The following IYD variants were observed in gnomAD, a reference collection of about 807,000 sequenced individuals.
The protein encoded by IYD is iodotyrosine deiodinase.
IYD carries 25 observed loss-of-function variants against 28.4 expected under a neutral mutation model. The ratio of observed to expected loss-of-function variants is 0.88; its 90% CI spans 0.64 to 1.23. IYD has a LOEUF of 1.23. IYD is among the 50% of genes most tolerant of loss of function. The pLI, the probability that IYD is intolerant of heterozygous loss-of-function variation, is 0.00. For synonymous variants in IYD, 140 were observed against 130.8 expected (o/e 1.07, Z -0.48); for missense variants, 352 against 357.9 (o/e 0.98, Z 0.13).
chr6:150,391,889 A>G (rs1157841333), intron 2 of IYD, among the ~76,000 whole-genome samples: 2 of 151,682 alleles, frequency 1.3e-5, no homozygotes, highest in Admixed American at 1.3e-4. Flanking sequence ...TTCTATTTTT[A>G]GTAGAGACAG....
chr6:150,405,046 A>G lies in IYD; in HGVS notation c.*6809A>G, dbSNP rs2115079995. 1 of 152,370 alleles carries G rather than the reference A, an allele frequency of 6.6e-6. No homozygotes were observed. The highest frequency in any genetic ancestry group is 1.5e-5 in the Non-Finnish European group (1 of 68,044). 9.4% of individuals were successfully genotyped at this position (152,370 alleles called of 1,614,324 possible). A position where few individuals can be genotyped will look rare whatever the true frequency, so the allele number is the denominator to read the frequency against. ...GTACATATTGAATGTGTGCAGAAAT[A>G]TATCTCAATCTAGTCATAAAATTTT... On this transcript the variant is annotated 3_prime_UTR_variant, in exon 5 of 5. Coordinates refer to ENST00000344419, the MANE Select transcript of IYD (RefSeq NM_203395.3).
At chr6:150,394,044 A>G in intron 3 of IYD, 55 bp from the exon 4 acceptor site, 1 of 1,555,756 alleles carries the variant, frequency 6.4e-7, no homozygotes, top group East Asian at 2.2e-5. Flanking sequence ...TAAGGTAGTA[A>G]AAGAGAACAA....
Position 150,388,639 on chromosome 6 carries a change from CT to C in IYD, c.179-710del, listed in dbSNP as rs200270036. 3.7e-3 allele frequency among the ~76,000 whole-genome samples: 182 copies of C among 48,772 alleles called. 1 individual carries two copies. The highest frequency in any genetic ancestry group is 8.8e-3 in the African/African-American group (173 of 19,660). 32.0% of individuals were successfully genotyped at this position (48,772 alleles called of 152,430 possible). ...ATAGTCTGGAGTTTTTGCTTTCTTT[CT>C]TTCTTTCTTTCTTTCTTTCTTTCTT... On this transcript the variant is annotated intron_variant, in intron 1 of 4. Transcript: ENST00000344419.
At position 150,404,958 on chromosome 6, in the gene IYD, A is replaced by T. The variant is rs1778606358; in HGVS notation, c.*6721A>T. 1 of 152,256 alleles carries T rather than the reference A, an allele frequency of 6.6e-6. No individual in the cohort carries two copies. 9.4% of individuals were successfully genotyped at this position (152,256 alleles called of 1,614,324 possible). On this transcript the variant is annotated 3_prime_UTR_variant, in exon 5 of 5. Coordinates refer to ENST00000344419, the MANE Select transcript of IYD (RefSeq NM_203395.3). ...TTCTTCATAACCACCGGATGCTGTT[A>T]TAGCTTCACCAATCACAACAAGCAC...
At chr6:150,378,039 C>T (rs892032278) in intron 1 of IYD, among the ~76,000 whole-genome samples, 1 of 152,142 alleles carries the variant, frequency 6.6e-6, no homozygotes, top group African/African-American at 2.4e-5. Context: ...GAGCTATAAG[C>T]CAAAAGTAGC....
chr6:150,393,281 C>A (rs1404594375), intron 3 of IYD, among the ~76,000 whole-genome samples: 1 of 152,162 alleles, frequency 6.6e-6, no homozygotes, highest in Non-Finnish European at 1.5e-5. Flanking sequence ...AGCTCCAGTG[C>A]AGATCTTCTA....
rs769005007 is a variant in IYD at position 150,400,280 on chromosome 6, GC to G, written c.*2044del. ...TGCAGCCAGGTTATTTACTTCTGAA[GC>G]ATTGGAGTTATCGATTGCCATTGCC... On this transcript the variant is annotated 3_prime_UTR_variant, in exon 5 of 5. Coordinates refer to ENST00000344419, the MANE Select transcript of IYD (RefSeq NM_203395.3). 1 of 152,192 alleles carries G rather than the reference GC, an allele frequency of 6.6e-6. No homozygotes were observed. The highest frequency in any genetic ancestry group is 1.5e-5 in the Non-Finnish European group (1 of 68,044). 9.4% of individuals were successfully genotyped at this position (152,192 alleles called of 1,614,324 possible). A position where few individuals can be genotyped will look rare whatever the true frequency, so the allele number is the denominator to read the frequency against.
At chr6:150,396,088 A>C (rs1390186570) in intron 4 of IYD, 8 of 219,546 alleles carry the variant, frequency 3.6e-5, no homozygotes, top group Non-Finnish European at 8.9e-6. Context: ...TAAAGTAGTG[A>C]TGAATGTAAT....
Position 150,382,852 on chromosome 6 carries a change from C to T in IYD, c.179-6500C>T, listed in dbSNP as rs761163368. 2.9e-4 allele frequency among the ~76,000 whole-genome samples: 44 copies of T among 151,998 alleles called. 1 individual carries two copies. Among genetic ancestry groups the T allele is most frequent in the Admixed American group, 5.9e-4 (9 of 15,256 alleles). ...ACTTTTTTCTGCCAAAGTCGTGTGTCTTGTATTTCTTTGGACATAGTAAGC... is the reference window on the plus strand; with the variant it reads ...ACTTTTTTCTGCCAAAGTCGTGTGTTTTGTATTTCTTTGGACATAGTAAGC... On this transcript the variant is annotated intron_variant, in intron 1 of 4. Transcript: ENST00000344419.
At position 150,369,042 on chromosome 6, in the gene IYD, T is replaced by C; in HGVS notation, c.11T>C (p.Leu4Pro). The C allele has an allele frequency of 6.2e-7, 1 of 1,614,076 alleles. No homozygotes were observed. The highest frequency in any genetic ancestry group is 8.5e-7 in the Non-Finnish European group (1 of 1,179,982). ...GTCAGACTCCAGACCATGTATTTCCTGACTCCCATCTTGGTAGCCATTCTC... is the reference window on the plus strand; with the variant it reads ...GTCAGACTCCAGACCATGTATTTCCCGACTCCCATCTTGGTAGCCATTCTC... MYF[L>P]TPILVAILCI... Residue 4 changes from leucine (L) to proline (P), a missense_variant, in exon 1 of 5, where the codon CTG (leucine) becomes CCG (proline). Transcript: ENST00000344419.
intron 1 of IYD, among the ~76,000 whole-genome samples, chr6:150,377,248 G>T (rs1028666654): frequency 6.6e-6 from 1 of 152,184 alleles, no homozygotes; most frequent in Non-Finnish European, 1.5e-5. Flanking sequence ...CTTCGAGCTT[G>T]AATAATCCCT....
intron 1 of IYD, among the ~76,000 whole-genome samples, chr6:150,382,300 C>T (rs1777674104): frequency 1.3e-5 from 2 of 152,124 alleles, no homozygotes; most frequent in Admixed American, 1.3e-4. Flanking sequence ...TGCAGCTTGG[C>T]TTCTTCTGCC....
At chr6:150,381,533 C>G (rs1378663376) in intron 1 of IYD, among the ~76,000 whole-genome samples, 1 of 152,144 alleles carries the variant, frequency 6.6e-6, no homozygotes, top group East Asian at 1.9e-4. Context: ...AAGTATTAAG[C>G]AAAACCTTAT....
intron 2 of IYD, 171 bp downstream of exon 2, chr6:150,389,714 C>G (rs774203855): frequency 2.5e-5 from 16 of 635,470 alleles, no homozygotes; most frequent in Non-Finnish European, 3.9e-5. Context: ...ATGACTTCTA[C>G]TTTCCACATT....
At chr6:150,387,448 A>AAGAATTTAC (rs60577384) in intron 1 of IYD, among the ~76,000 whole-genome samples, 1 of 142,542 alleles carries the variant, frequency 7.0e-6, no homozygotes, top group African/African-American at 2.6e-5. Flanking sequence ...AAAAAAAAAA[A>AAGAATTTAC]GAATTTACCA....
At chr6:150,397,969 A>C (rs1194114331) in intron 4 of IYD, 86 bp from the exon 5 acceptor site, 2 of 1,308,088 alleles carry the variant, frequency 1.5e-6, no homozygotes, top group African/African-American at 1.5e-5. Context: ...AGCAGGTATA[A>C]TCAGGACAAG....
intron 1 of IYD, among the ~76,000 whole-genome samples, chr6:150,372,191 G>A (rs1582764779): frequency 6.6e-6 from 1 of 152,284 alleles, no homozygotes; most frequent in Non-Finnish European, 1.5e-5. Flanking sequence ...CCAACCTCCT[G>A]CAGCTCTGAT....
intron 3 of IYD, 104 bp from the exon 4 acceptor site, chr6:150,393,995 A>G: frequency 1.7e-6 from 2 of 1,161,188 alleles, no homozygotes; most frequent in Non-Finnish European, 2.5e-6. Context: ...TAAATATAAA[A>G]GATGAGTAAA....
At chr6:150,378,977 G>A (rs995856088) in intron 1 of IYD, among the ~76,000 whole-genome samples, 1 of 152,164 alleles carries the variant, frequency 6.6e-6, no homozygotes, top group Non-Finnish European at 1.5e-5. Context: ...CTTCCAGAGG[G>A]CTCCAAATGG....
Sources: allele counts gnomAD v4.1 joint callset (sites outside exome capture counted in the v4.1 genomes callset), GRCh38; gene constraint gnomAD v4.1.1; transcripts MANE v1.5; gene names NCBI Gene and HGNC (gene_info 2026-07-23, HGNC 2026-07-21).